Variants in NLGN1 observed in about 807,000 individuals in gnomAD.
NLGN1 encodes neuroligin-1.
NLGN1 carries 12 observed loss-of-function variants against 65.5 expected under a neutral mutation model. That is an observed-to-expected ratio of 0.18 (90% CI 0.12 to 0.30). The LOEUF (loss-of-function observed/expected upper bound fraction) is 0.30. Among genes scored for constraint, NLGN1 ranks in the 10% least tolerant of loss-of-function variants. The pLI, the probability that NLGN1 is intolerant of heterozygous loss-of-function variation, is 1.00. For synonymous variants in NLGN1, 350 were observed against 359.5 expected (o/e 0.97, Z 0.30); for missense variants, 750 against 1,007.1 (o/e 0.74, Z 3.46).
At chr3:173,762,569 A>G (rs1320779205) in intron 3 of NLGN1, among the ~76,000 whole-genome samples, 1 of 152,002 alleles carries the variant, frequency 6.6e-6, no homozygotes, top group Non-Finnish European at 1.5e-5. Context: ...TGATACTAAA[A>G]AGAGACTGTT....
chr3:173,688,826 TA>T (rs893843895), intron 3 of NLGN1, among the ~76,000 whole-genome samples: 3 of 152,166 alleles, frequency 2.0e-5, no homozygotes, highest in Non-Finnish European at 4.4e-5. Context: ...TGCTAATTTC[TA>T]AAAAAATACC....
intron 3 of NLGN1, among the ~76,000 whole-genome samples, chr3:173,718,301 C>A (rs899896187): frequency 5.9e-5 from 9 of 152,076 alleles, no homozygotes; most frequent in Non-Finnish European, 2.9e-5. Flanking sequence ...TCATCCACTG[C>A]CCCCAACCTA....
chr3:173,432,920 C>T (rs1577430093), intron 1 of NLGN1, among the ~76,000 whole-genome samples: 1 of 152,010 alleles, frequency 6.6e-6, no homozygotes, highest in Middle Eastern at 3.2e-3. Context: ...ACCACTCCCC[C>T]CAGGCTCTCT....
At chr3:173,539,773 A>AAC (rs1357886743) in intron 2 of NLGN1, among the ~76,000 whole-genome samples, 8 of 118,894 alleles carry the variant, frequency 6.7e-5, no homozygotes, top group African/African-American at 2.1e-4. Context: ...GTACATATAT[A>AAC]ACACATATAT....
intron 4 of NLGN1, among the ~76,000 whole-genome samples, chr3:174,061,486 G>A (rs534587679): frequency 5.3e-5 from 8 of 152,200 alleles, no homozygotes; most frequent in South Asian, 2.1e-4. Context: ...AAGCATGTCA[G>A]CTTCCTGGTT....
chr3:174,042,274 T>G (rs939226463), intron 4 of NLGN1, among the ~76,000 whole-genome samples: 1 of 152,166 alleles, frequency 6.6e-6, no homozygotes, highest in Non-Finnish European at 1.5e-5. Context: ...TGTGATCTGT[T>G]TAAGAAAGCT....
intron 3 of NLGN1, among the ~76,000 whole-genome samples, chr3:173,690,187 G>A (rs903540808): frequency 2.0e-5 from 3 of 152,106 alleles, no homozygotes; most frequent in Admixed American, 2.0e-4. Context: ...GTCTTGGCGT[G>A]GATTCAGGTT....
In NLGN1 at chr3:174,255,368, G is replaced by A. The variant is rs574965491; in HGVS notation, c.647-19947G>A. Reference sequence around the variant, plus strand: ...GGAGAAGGCCATGAACCTGGGAGGCGGAGCTTGCAGTGAGCCGAGATCGTG... The same window carrying A: ...GGAGAAGGCCATGAACCTGGGAGGCAGAGCTTGCAGTGAGCCGAGATCGTG... On this transcript the variant is annotated intron_variant, in intron 4 of 6. Transcript: ENST00000457714. Among the ~76,000 whole-genome samples, 311 of 146,092 alleles carry A rather than the reference G, an allele frequency of 2.1e-3. 2 individuals carry two copies. Among genetic ancestry groups the A allele is most frequent in the South Asian group, 7.3e-3 (34 of 4,634 alleles).
chr3:174,162,349 T>A (rs1167311000), intron 4 of NLGN1, among the ~76,000 whole-genome samples: 1 of 151,946 alleles, frequency 6.6e-6, no homozygotes, highest in Admixed American at 6.6e-5. Flanking sequence ...ATAAAACATC[T>A]AGGAGCAATC....
At chr3:174,149,228 C>T (rs1461108383) in intron 4 of NLGN1, among the ~76,000 whole-genome samples, 6 of 152,078 alleles carry the variant, frequency 3.9e-5, no homozygotes, top group African/African-American at 7.2e-5. Flanking sequence ...GTTTCATTGG[C>T]CAGAATTGAA....
chr3:173,523,445 A>G (rs1374934810), intron 2 of NLGN1, among the ~76,000 whole-genome samples: 2 of 151,688 alleles, frequency 1.3e-5, no homozygotes, highest in Non-Finnish European at 3.0e-5. Flanking sequence ...GATGAGAGAT[A>G]AGGATCCAAT....
intron 4 of NLGN1, among the ~76,000 whole-genome samples, chr3:173,840,637 ACTC>A (rs1258691200): frequency 1.3e-5 from 2 of 151,770 alleles, no homozygotes; most frequent in Non-Finnish European, 2.9e-5. Context: ...TTTATCTTTG[ACTC>A]CTCCTTCCTT....
At chr3:174,133,099 T>A (rs1720519386) in intron 4 of NLGN1, among the ~76,000 whole-genome samples, 1 of 152,226 alleles carries the variant, frequency 6.6e-6, no homozygotes, top group South Asian at 2.1e-4. Flanking sequence ...CTATGTCCAT[T>A]TAGCCTCACT....
At chr3:173,448,328 T>C (rs1031605920) in intron 2 of NLGN1, among the ~76,000 whole-genome samples, 3 of 152,218 alleles carry the variant, frequency 2.0e-5, no homozygotes, top group Non-Finnish European at 4.4e-5. Flanking sequence ...ATCATGTGAT[T>C]TTTGTCTTTG....
intron 3 of NLGN1, among the ~76,000 whole-genome samples, chr3:173,747,057 TATACACACACACACAC>T (rs1477444777): frequency 2.4e-5 from 2 of 81,752 alleles, no homozygotes; most frequent in African/African-American, 4.6e-5. Flanking sequence ...AAAAATTATA[TATACACACACACACAC>T]ACACACACAC....
chr3:174,087,855 A>C (rs1176277352), intron 4 of NLGN1, among the ~76,000 whole-genome samples: 2 of 152,230 alleles, frequency 1.3e-5, no homozygotes, highest in African/African-American at 4.8e-5. Flanking sequence ...AGTCCCAATT[A>C]TGTATCAGGG....
intron 2 of NLGN1, among the ~76,000 whole-genome samples, chr3:173,569,100 G>C (rs573793055): frequency 1.6e-4 from 25 of 152,178 alleles, no homozygotes; most frequent in Non-Finnish European, 3.4e-4. Context: ...CTCTTCAAAA[G>C]GATTTTACAC....
intron 2 of NLGN1, among the ~76,000 whole-genome samples, chr3:173,479,422 G>T (rs1038342022): frequency 2.6e-5 from 4 of 152,156 alleles, no homozygotes; most frequent in African/African-American, 9.7e-5. Flanking sequence ...AATAGAACTG[G>T]TTCCATAGAG....
At chr3:173,714,039 G>A (rs1409693472) in intron 3 of NLGN1, among the ~76,000 whole-genome samples, 1 of 152,160 alleles carries the variant, frequency 6.6e-6, no homozygotes, top group Non-Finnish European at 1.5e-5. Context: ...ATAAATGTTT[G>A]AATGCAAAGT....
Sources: allele counts gnomAD v4.1 joint callset (sites outside exome capture counted in the v4.1 genomes callset), GRCh38; gene constraint gnomAD v4.1.1; transcripts MANE v1.5; gene names NCBI Gene and HGNC (gene_info 2026-07-23, HGNC 2026-07-21).